The following AGBL1 variants were observed in gnomAD, a reference collection of about 807,000 sequenced individuals.
The protein encoded by AGBL1 is cytosolic carboxypeptidase 4.
AGBL1 carries 130 observed loss-of-function variants against 118.9 expected under a neutral mutation model. The ratio of observed to expected loss-of-function variants is 1.09; its 90% CI spans 0.95 to 1.26. AGBL1 has a LOEUF of 1.26. Among genes scored for constraint, AGBL1 ranks in the 50% most tolerant of loss-of-function variants. AGBL1 has a pLI of 0.00. For synonymous variants in AGBL1, 555 were observed against 478.9 expected (o/e 1.16, Z -2.08); for missense variants, 1,584 against 1,298.1 (o/e 1.22, Z -3.38).
chr15:86,756,383 T>A (rs1032120791), intron 22 of AGBL1, among the ~76,000 whole-genome samples: 2 of 151,938 alleles, frequency 1.3e-5, no homozygotes, highest in Non-Finnish European at 2.9e-5. Flanking sequence ...AACTACCATG[T>A]GCTGGGGATT....
intron 21 of AGBL1, among the ~76,000 whole-genome samples, chr15:86,571,814 A>T (rs868804781): frequency 2.6e-4 from 39 of 152,256 alleles, no homozygotes; most frequent in Middle Eastern, 3.4e-3. Context: ...CTCGTGGCCC[A>T]GCCCCCAGGC....
At chr15:87,010,828 G>A (rs576939320) in intron 24 of AGBL1, among the ~76,000 whole-genome samples, 1 of 152,068 alleles carries the variant, frequency 6.6e-6, no homozygotes, top group Admixed American at 6.6e-5. Flanking sequence ...TCATCTATCT[G>A]TCTGCCTACA....
chr15:86,471,425 T>A (rs1215080028), intron 18 of AGBL1, among the ~76,000 whole-genome samples: 1 of 152,150 alleles, frequency 6.6e-6, no homozygotes, highest in Non-Finnish European at 1.5e-5. Flanking sequence ...ACTGTTTCAA[T>A]GTGCTGTTAA....
chr15:86,835,448 T>C (rs879766913), intron 22 of AGBL1, among the ~76,000 whole-genome samples: 3 of 152,036 alleles, frequency 2.0e-5, no homozygotes, highest in Non-Finnish European at 2.9e-5. Context: ...TCAGTGAGAG[T>C]AAGTAAAAGG....
chr15:86,921,335 C>T (rs762728369), intron 23 of AGBL1, among the ~76,000 whole-genome samples: 12 of 152,172 alleles, frequency 7.9e-5, no homozygotes, highest in Non-Finnish European at 1.0e-4. Flanking sequence ...GTTCAGTCCT[C>T]AGTCTCCTCT....
At chr15:86,661,000 A>G (rs2085528809) in intron 21 of AGBL1, among the ~76,000 whole-genome samples, 1 of 152,206 alleles carries the variant, frequency 6.6e-6, no homozygotes. Context: ...GGGACTGAGA[A>G]AGTGTAAAAC....
intron 22 of AGBL1, among the ~76,000 whole-genome samples, chr15:86,763,383 C>T (rs1434218352): frequency 6.6e-6 from 1 of 151,674 alleles, no homozygotes; most frequent in Non-Finnish European, 1.5e-5. Flanking sequence ...CAATGAATTG[C>T]AGTAGAAAAT....
chr15:87,006,594 G>T (rs1308750151), intron 24 of AGBL1, among the ~76,000 whole-genome samples: 3 of 152,188 alleles, frequency 2.0e-5, no homozygotes, highest in African/African-American at 7.2e-5. Flanking sequence ...ATCTGTCACA[G>T]CTTTGCTTGG....
chr15:86,378,918 T>C (rs1290579267), intron 17 of AGBL1, among the ~76,000 whole-genome samples: 1 of 151,860 alleles, frequency 6.6e-6, no homozygotes, highest in African/African-American at 2.4e-5. Context: ...TTTTTTCTTT[T>C]TTTCTTTTTT....
chr15:86,213,708 G>C (rs1789486597), intron 5 of AGBL1, among the ~76,000 whole-genome samples: 1 of 152,062 alleles, frequency 6.6e-6, no homozygotes, highest in Non-Finnish European at 1.5e-5. Context: ...GGGATGACTA[G>C]TTAGTCATCA....
chr15:86,843,858 C>G lies in AGBL1; in HGVS notation c.3159-63229C>G, dbSNP rs563033646. Among the ~76,000 whole-genome samples, 5 of 152,232 alleles carry G rather than the reference C, an allele frequency of 3.3e-5. No homozygotes were observed. In the East Asian group the frequency reaches 9.6e-4, roughly 29 times the overall value. On this transcript the variant is annotated intron_variant, in intron 22 of 22. Coordinates refer to ENST00000614907, the MANE Select transcript of AGBL1 (RefSeq NM_001386094.1). Reference sequence around the variant, plus strand: ...TTTAGAATACAGTATTATCATCATCCCTATTTTCCTTGTGTCCGCCAGGAG... The same window carrying G: ...TTTAGAATACAGTATTATCATCATCGCTATTTTCCTTGTGTCCGCCAGGAG...
intron 21 of AGBL1, among the ~76,000 whole-genome samples, chr15:86,647,096 AATTAATTGATTTATATAAC>A (rs2085292598): frequency 1.3e-5 from 2 of 152,304 alleles, no homozygotes; most frequent in Middle Eastern, 3.4e-3. Context: ...AAGTGTAGCA[AATTAATTGATTTATATAAC>A]ATTAATTGAT....
intron 1 of AGBL1, among the ~76,000 whole-genome samples, chr15:86,110,959 C>A (rs1003017421): frequency 6.6e-6 from 1 of 152,192 alleles, no homozygotes; most frequent in Non-Finnish European, 1.5e-5. Context: ...TCTGTGCCAC[C>A]CAGTATTGCT....
At chr15:86,087,749 A>C (rs1474164010) in intron 1 of AGBL1, among the ~76,000 whole-genome samples, 1 of 152,218 alleles carries the variant, frequency 6.6e-6, no homozygotes, top group Non-Finnish European at 1.5e-5. Context: ...CAAGTGGCAT[A>C]GCTGGAATTT....
At chr15:86,325,127 T>G (rs1434821727) in intron 17 of AGBL1, among the ~76,000 whole-genome samples, 1 of 152,102 alleles carries the variant, frequency 6.6e-6, no homozygotes, top group African/African-American at 2.4e-5. Context: ...CTTCCATCAG[T>G]AGGCAGGATA....
intron 23 of AGBL1, among the ~76,000 whole-genome samples, chr15:86,940,730 T>C (rs1183630112): frequency 1.3e-5 from 2 of 152,224 alleles, no homozygotes; most frequent in African/African-American, 4.8e-5. Flanking sequence ...CCAGTTTCAA[T>C]TGGCGTGGTA....
At chr15:86,409,485 G>C (rs2081580684) in intron 18 of AGBL1, among the ~76,000 whole-genome samples, 1 of 152,122 alleles carries the variant, frequency 6.6e-6, no homozygotes, top group Non-Finnish European at 1.5e-5. Context: ...TGCATACACA[G>C]AAGGCGTCAG....
chr15:86,693,292 C>G (rs1596375801), intron 22 of AGBL1, among the ~76,000 whole-genome samples: 2 of 151,886 alleles, frequency 1.3e-5, no homozygotes, highest in Admixed American at 1.3e-4. Flanking sequence ...ATTACAGCCA[C>G]TCTTGCAGGA....
At chr15:86,107,463 A>G (rs1897117641) in intron 1 of AGBL1, 2 of 152,184 alleles carry the variant, frequency 1.3e-5, no homozygotes, top group Admixed American at 1.3e-4. Context: ...TGCTGTGAAG[A>G]TGAAAGGAGA....
Sources: allele counts gnomAD v4.1 joint callset (sites outside exome capture counted in the v4.1 genomes callset), GRCh38; gene constraint gnomAD v4.1.1; transcripts MANE v1.5; gene names NCBI Gene and HGNC (gene_info 2026-07-23, HGNC 2026-07-21).